The following NFRKB variants were observed in gnomAD, a reference collection of about 807,000 sequenced individuals.
NFRKB encodes the protein nuclear factor related to kappaB binding protein, also known as nuclear factor related to kappa-B-binding protein.
A neutral mutation model predicts 135.7 loss-of-function variants in NFRKB; 62 were observed. The ratio of observed to expected loss-of-function variants is 0.46; its 90% confidence interval spans 0.37 to 0.56. The LOEUF is 0.56. Among genes scored for constraint, NFRKB ranks in the 20% least tolerant of loss-of-function variants. The probability of loss-of-function intolerance (pLI) is 0.00; values close to 1 mark genes in which losing one functional copy is unlikely to be tolerated. For missense variants in NFRKB, 1,545 were observed against 1,662.0 expected (o/e 0.93, Z 1.22); for synonymous variants, 678 against 635.6 (o/e 1.07, Z -1.00).
intron 7 of NFRKB, 38 bp from the exon 8 acceptor site, chr11:129,884,181 T>C: frequency 6.3e-7 from 1 of 1,586,704 alleles, no homozygotes; most frequent in Non-Finnish European, 8.6e-7. Flanking sequence ...CTATCATGAT[T>C]CTCCAATTTA....
At chr11:129,872,498 T>C (rs1178151921) in intron 23 of NFRKB, 1 of 173,050 alleles carries the variant, frequency 5.8e-6, no homozygotes, top group Admixed American at 5.5e-5. Context: ...TACGATTCTT[T>C]GAAGTTCGAT....
chr11:129,883,996 G>C, intron 8 of NFRKB, 74 bp downstream of exon 8: 1 of 1,468,784 alleles, frequency 6.8e-7, no homozygotes, highest in Non-Finnish European at 9.5e-7. Context: ...GTGATGCCCC[G>C]TGTCTTCCTC....
At chr11:129,892,605 T>G in intron 3 of NFRKB, 110 bp downstream of exon 3, 1 of 1,165,710 alleles carries the variant, frequency 8.6e-7, no homozygotes, top group Non-Finnish European at 1.2e-6. Context: ...ATGTAGAAAA[T>G]GAACAAAAGG....
intron 23 of NFRKB, 137 bp from the exon 24 acceptor site, chr11:129,870,398 A>G: frequency 1.0e-6 from 1 of 996,194 alleles, no homozygotes; most frequent in Admixed American, 2.8e-5. Context: ...ACATTCACAG[A>G]AGTAGAGAAC....
intron 22 of NFRKB, 90 bp downstream of exon 22, chr11:129,873,655 A>G (rs1591489041): frequency 6.6e-7 from 1 of 1,520,412 alleles, no homozygotes; most frequent in Non-Finnish European, 9.0e-7. Context: ...ATGGCTCCCC[A>G]GTCCTTACCC....
In NFRKB at chr11:129,873,020, C is replaced by T. The variant is rs935246201; in HGVS notation, c.2627G>A (p.Gly876Glu). The change falls in exon 23 of 27, where the codon GGG becomes GAG. Residue 876 changes from glycine to glutamate, a missense_variant. Physicochemically the swap from Gly to Glu is moderately conservative, Grantham distance 98. This residue lies in a region of NFRKB where 753 missense variants were observed against 804.3 expected (regional missense o/e 0.94). Coordinates refer to ENST00000682444, the MANE Select transcript of NFRKB (RefSeq NM_001143835.2). The part of the protein sequence containing the change: ...TVQRPGPGQT[G>E]LTVTSLPATA... ...GGCAGGGAGACTTGTCACCGTGAGC[C>T]CTGTCTGCCCGGGTCCAGGCCGCTG... 2.5e-6 allele frequency: 4 copies of T among 1,614,048 alleles called. No homozygotes were observed. Among genetic ancestry groups the T allele is most frequent in the Non-Finnish European group, 3.4e-6 (4 of 1,180,042 alleles).
chr11:129,882,967 T>C (rs1362122085), intron 9 of NFRKB, among the ~76,000 whole-genome samples, 155 bp downstream of exon 9: 1 of 152,208 alleles, frequency 6.6e-6, no homozygotes, highest in Non-Finnish European at 1.5e-5. Context: ...GTACTGATTT[T>C]ACATTCATTT....
intron 23 of NFRKB, among the ~76,000 whole-genome samples, chr11:129,871,215 G>A (rs1025850125): frequency 9.9e-5 from 15 of 152,062 alleles, no homozygotes; most frequent in Admixed American, 4.6e-4. Context: ...TTTTTAATCT[G>A]TATTATTTTT....
At position 129,866,013 on chromosome 11, in the gene NFRKB, A is replaced by C. The variant is rs751562125; in HGVS notation, c.3532-30T>G. 32 of 1,559,572 alleles carry C rather than the reference A, an allele frequency of 2.1e-5. No homozygotes were observed. The East Asian group carries it at 7.2e-4, about 35-fold the overall frequency. ...AAAAAAAAAGCAGTCAGGTTTTGTA[A>C]GACAGGAGGTAAGGAAAACCAGCAA... On this transcript the variant is annotated intron_variant, in intron 24 of 26. Transcript: ENST00000682444.
intron 24 of NFRKB, among the ~76,000 whole-genome samples, chr11:129,866,383 C>G (rs1355906039): frequency 4.6e-5 from 7 of 152,030 alleles, no homozygotes; most frequent in Non-Finnish European, 1.5e-5. Flanking sequence ...CACACAATCA[C>G]TATTTGGTGA....
At chr11:129,885,374 C>A (rs1302700770) in intron 6 of NFRKB, 61 bp downstream of exon 6, 2 of 1,533,870 alleles carry the variant, frequency 1.3e-6, no homozygotes, top group Non-Finnish European at 1.8e-6. Flanking sequence ...TGGCTCCAAC[C>A]GGACAAGTGG....
chr11:129,871,971 G>A lies in NFRKB; in HGVS notation c.2763+913C>T, dbSNP rs534064182. ...CTCCAGCCACAATGATTTTCCTCTC[G>A]TTCCTCAATCATATTCCTGACACAA... On this transcript the variant is annotated intron_variant, in intron 23 of 26. Transcript: ENST00000682444. 3.3e-5 allele frequency among the ~76,000 whole-genome samples: 5 copies of A among 152,152 alleles called. No homozygotes were observed. In the South Asian group the frequency reaches 8.3e-4, roughly 25 times the overall value.
At chr11:129,875,652 C>CT (rs761583169) in intron 17 of NFRKB, among the ~76,000 whole-genome samples, 189 bp from the exon 18 acceptor site, 20,072 of 101,780 alleles carry the variant, frequency 0.2, 2,792 homozygotes, top group Non-Finnish European at 0.27. Flanking sequence ...CTATACACTT[C>CT]TTTTTTTTTT....
chr11:129,889,874 G>T (rs143907503), intron 3 of NFRKB, among the ~76,000 whole-genome samples: 102 of 151,852 alleles, frequency 6.7e-4, no homozygotes, highest in African/African-American at 2.3e-3. Flanking sequence ...GACAGGGTAC[G>T]TGGTGGTGGG....
intron 24 of NFRKB, among the ~76,000 whole-genome samples, chr11:129,867,710 T>C (rs1204505063): frequency 1.3e-5 from 2 of 152,250 alleles, no homozygotes; most frequent in African/African-American, 4.8e-5. Flanking sequence ...CTCTGGCTTT[T>C]ATCCCAATTT....
chr11:129,886,445 CT>C lies in NFRKB; in HGVS notation c.338-2del, dbSNP rs767829658. On this transcript the variant is annotated splice_acceptor_variant, in intron 4 of 26. Coordinates refer to ENST00000682444, the MANE Select transcript of NFRKB (RefSeq NM_001143835.2). LOFTEE classifies it high-confidence loss of function. The stretch of plus-strand genomic sequence containing the variant: ...ACCACCTCGGGGTTAAAGTGTCCGT[CT>C]TAAAAAAATAAAGGTATATATATTT... 6.2e-6 allele frequency: 10 copies of C among 1,612,740 alleles called. No individual in the cohort carries two copies. Among genetic ancestry groups the C allele is most frequent in the Non-Finnish European group, 8.5e-6 (10 of 1,179,616 alleles).
intron 22 of NFRKB, 130 bp downstream of exon 22, chr11:129,873,615 G>C (rs769102540): frequency 1.6e-6 from 2 of 1,274,716 alleles, no homozygotes; most frequent in Non-Finnish European, 2.2e-6. Flanking sequence ...GGCTTATTCC[G>C]ATGAATGTCA....
intron 4 of NFRKB, among the ~76,000 whole-genome samples, chr11:129,887,967 G>C (rs1046961667): frequency 1.3e-5 from 2 of 152,234 alleles, no homozygotes; most frequent in East Asian, 3.8e-4. Flanking sequence ...AACGCGGGAG[G>C]CAGAGTTTGC....
In NFRKB at chr11:129,864,814, GT is replaced by G; in HGVS notation, c.3810del (p.Gln1270HisfsTer17). 6.2e-7 allele frequency: 1 copy of G among 1,614,214 alleles called. No homozygotes were observed. On this transcript the variant is annotated frameshift_variant, in exon 27 of 27. Coordinates refer to ENST00000682444, the MANE Select transcript of NFRKB (RefSeq NM_001143835.2). LOFTEE classifies it high-confidence loss of function. ...RIQTVPASHL[Q>X]QGTASGSSKA... ...TTGGAGGAGCCAGAAGCTGTTCCCT[GT>G]TGGAGATGGGATGCAGGGACAGTCT...
Sources: allele counts gnomAD v4.1 joint callset (sites outside exome capture counted in the v4.1 genomes callset), GRCh38; gene constraint gnomAD v4.1.1; regional missense constraint gnomAD v4.1.1; transcripts MANE v1.5; gene names NCBI Gene and HGNC (gene_info 2026-07-23, HGNC 2026-07-21).